PDE1C: variants seen among roughly 807,000 people sequenced by gnomAD.
PDE1C encodes dual specificity calcium/calmodulin-dependent 3',5'-cyclic nucleotide phosphodiesterase 1C.
In PDE1C, 62 loss-of-function variants were observed where a neutral mutation model predicts 93.1. That is an observed-to-expected ratio of 0.67 (90% CI 0.54 to 0.82). The LOEUF (loss-of-function observed/expected upper bound fraction) is 0.82, where lower values mean the gene tolerates loss of function less well. PDE1C is among the 40% of genes least tolerant of loss of function. The probability of loss-of-function intolerance (pLI) is 0.00; values close to 1 mark genes in which losing one functional copy is unlikely to be tolerated. For missense variants in PDE1C, 742 were observed against 884.6 expected, an observed-to-expected ratio of 0.84 and a Z score of 2.04; for synonymous variants, 325 against 310.1, an observed-to-expected ratio of 1.05 and a Z score of -0.50.
rs546386348 is a variant in PDE1C, at chr7:32,384,110, C to G, written c.310+43712G>C. Among the ~76,000 whole-genome samples the G allele has an allele frequency of 2.0e-5, 3 of 152,302 alleles. No homozygotes were observed. The East Asian group carries it at 5.8e-4, about 29-fold the overall frequency. The stretch of plus-strand genomic sequence containing the variant: ...CATTCACCAAATATTTCCTTTATCT[C>G]CCATATTCACCATCTATACAGTTGG... On this transcript the variant is annotated intron_variant, in intron 1 of 1. Coordinates refer to the PDE1C transcript ENST00000672256.
the PDE1C span, chr7:31,695,618 C>G: frequency 8.1e-6 from 13 of 1,611,638 alleles, no homozygotes; most frequent in Non-Finnish European, 1.0e-5. Context: ...ACCTTTCATA[C>G]CAGGTAATGG....
rs6969150 is a variant in PDE1C at position 32,346,847 on chromosome 7, A to G, written c.310+80975T>C. On this transcript the variant is annotated intron_variant, in intron 1 of 1. Transcript: ENST00000672256. The stretch of plus-strand genomic sequence containing the variant: ...GTCAGAGTCAAAGACTACACATGGC[A>G]TGGTTTTATTTACATAAAATCTCTA... Among the ~76,000 whole-genome samples the G allele has an allele frequency of 3.4e-3, 518 of 152,340 alleles. 5 individuals are homozygous for G. Among genetic ancestry groups the G allele is most frequent in the African/African-American group, 0.012 (484 of 41,582 alleles).
At chr7:32,186,230 G>A (rs1803869735) in intron 2 of PDE1C, among the ~76,000 whole-genome samples, 1 of 151,740 alleles carries the variant, frequency 6.6e-6, no homozygotes, top group South Asian at 2.1e-4. Flanking sequence ...AGCCTCCCGA[G>A]TAGCTGGGAC....
At chr7:32,141,103 C>CA (rs1800495885) in intron 3 of PDE1C, among the ~76,000 whole-genome samples, 1 of 152,158 alleles carries the variant, frequency 6.6e-6, no homozygotes, top group South Asian at 2.1e-4. Flanking sequence ...TAGGATGTTC[C>CA]AAAATAAGTA....
intron 3 of PDE1C, among the ~76,000 whole-genome samples, chr7:32,089,145 C>T (rs1797307517): frequency 6.6e-6 from 1 of 152,162 alleles, no homozygotes. Context: ...TCTCTTCTTT[C>T]CCTAAACATA....
intron 2 of PDE1C, among the ~76,000 whole-genome samples, chr7:31,982,413 G>C (rs1056199276): frequency 1.3e-5 from 2 of 152,150 alleles, no homozygotes; most frequent in African/African-American, 4.8e-5. Flanking sequence ...CCTGTGCTCA[G>C]GTAGGCATGA....
intron 1 of PDE1C, among the ~76,000 whole-genome samples, chr7:32,363,336 T>C (rs919304982): frequency 1.3e-5 from 2 of 152,202 alleles, no homozygotes; most frequent in African/African-American, 4.8e-5. Context: ...GAAGCTAAAA[T>C]AATGTGCCCA....
At position 31,837,726 on chromosome 7, in the gene PDE1C, G is replaced by T. The variant is rs578056939; in HGVS notation, c.1082+144C>A. 1.5e-5 allele frequency: 9 copies of T among 590,768 alleles called. No homozygotes were observed. The Middle Eastern group carries it at 1.1e-3, about 70-fold the overall frequency. The allele number at this position is 590,768 out of a possible 1,614,324, so 36.6% of individuals were successfully genotyped here. ...TTATTGTGGTAGGTACAACTTTTAT[G>T]CTTTCTCCTTCAAACATAATCATTG... On this transcript the variant is annotated intron_variant, in intron 10 of 17. Coordinates refer to ENST00000396191, the MANE Select transcript of PDE1C (RefSeq NM_001191057.4).
intron 2 of PDE1C, among the ~76,000 whole-genome samples, chr7:31,912,539 G>A (rs1187208313): frequency 6.6e-6 from 1 of 151,922 alleles, no homozygotes; most frequent in Non-Finnish European, 1.5e-5. Flanking sequence ...TACAAAAAAT[G>A]AGCCAGGTGT....
chr7:31,856,635 T>C (rs1021087536), intron 7 of PDE1C, among the ~76,000 whole-genome samples: 1 of 151,156 alleles, frequency 6.6e-6, no homozygotes, highest in African/African-American at 2.4e-5. Flanking sequence ...TCACAATACG[T>C]GGAAGTAAGT....
intron 2 of PDE1C, among the ~76,000 whole-genome samples, chr7:32,032,890 G>C (rs1386838730): frequency 1.3e-5 from 2 of 152,134 alleles, no homozygotes; most frequent in African/African-American, 4.8e-5. Context: ...CTGTTTGTAA[G>C]GTTCCTGTGA....
At chr7:32,014,152 A>G (rs563517326) in intron 2 of PDE1C, among the ~76,000 whole-genome samples, 40 of 152,246 alleles carry the variant, frequency 2.6e-4, no homozygotes, top group Non-Finnish European at 5.4e-4. Context: ...AAAAAAGTGC[A>G]ATGCACTGCA....
chr7:32,001,800 C>A (rs532169123), intron 2 of PDE1C, among the ~76,000 whole-genome samples: 3 of 152,318 alleles, frequency 2.0e-5, no homozygotes, highest in East Asian at 3.9e-4. Context: ...CTGGGCACAC[C>A]TGTAATCCCA....
chr7:32,276,954 C>G (rs185262304), intron 1 of PDE1C, among the ~76,000 whole-genome samples: 1 of 152,120 alleles, frequency 6.6e-6, no homozygotes, highest in African/African-American at 2.4e-5. Context: ...CCCCATATCA[C>G]GCAAAAGCTG....
chr7:32,325,633 C>T lies in PDE1C; in HGVS notation c.310+102189G>A, dbSNP rs149024173. 2.8e-3 allele frequency among the ~76,000 whole-genome samples: 419 copies of T among 152,274 alleles called. 3 individuals carry two copies. Among genetic ancestry groups the T allele is most frequent in the Non-Finnish European group, 3.5e-3 (241 of 68,030 alleles). On this transcript the variant is annotated intron_variant, in intron 1 of 1. Coordinates refer to the PDE1C transcript ENST00000672256. Reference sequence around the variant, plus strand: ...CTAATTTGCCACAGGTATATGTAGCCTAAGCACCTAGAAAAGCACTCATAG... The same window carrying T: ...CTAATTTGCCACAGGTATATGTAGCTTAAGCACCTAGAAAAGCACTCATAG...
intron 2 of PDE1C, among the ~76,000 whole-genome samples, chr7:31,948,250 T>G (rs1056267725): frequency 1.3e-5 from 2 of 152,230 alleles, no homozygotes; most frequent in African/African-American, 4.8e-5. Flanking sequence ...GTTCTTGCCT[T>G]AGCAATAGAG....
At chr7:31,710,810 A>G in the PDE1C span, among the ~76,000 whole-genome samples, 2 of 152,374 alleles carry the variant, frequency 1.3e-5, no homozygotes, top group South Asian at 2.1e-4. Flanking sequence ...TTTCCTGGAC[A>G]TGCAATTGCC....
chr7:32,235,324 A>G (rs1807997137), intron 1 of PDE1C, among the ~76,000 whole-genome samples: 1 of 151,934 alleles, frequency 6.6e-6, no homozygotes, highest in African/African-American at 2.4e-5. Flanking sequence ...GAAGAGAGAG[A>G]TAGAGAGAGG....
intron 1 of PDE1C, among the ~76,000 whole-genome samples, chr7:32,344,057 A>G (rs1270060307): frequency 1.3e-5 from 2 of 152,138 alleles, no homozygotes; most frequent in African/African-American, 4.8e-5. Context: ...AGTTCACTCT[A>G]TGTTAATTTT....
Sources: gnomAD v4.1 joint callset for allele counts (sites outside exome capture counted in the v4.1 genomes callset) on GRCh38, gnomAD v4.1.1 for gene constraint, MANE v1.5 for transcripts, NCBI Gene and HGNC (gene_info 2026-07-23, HGNC 2026-07-21) for gene names.